The following CDH9 variants were observed in gnomAD, a reference collection of about 807,000 sequenced individuals.
CDH9 encodes the protein cadherin-9.
CDH9 carries 28 observed loss-of-function variants against 70.9 expected under a neutral mutation model. That is an observed-to-expected ratio of 0.40 (90% CI 0.29 to 0.54). The LOEUF (loss-of-function observed/expected upper bound fraction) is 0.54. Ranked by LOEUF, CDH9 falls within the 20% of genes least tolerant of loss-of-function variation. The pLI, the probability that CDH9 is intolerant of heterozygous loss-of-function variation, is 0.59. For missense variants in CDH9, 874 were observed against 984.4 expected (o/e 0.89, Z 1.50); for synonymous variants, 409 against 343.1 (o/e 1.19, Z -2.12).
intron 2 of CDH9, among the ~76,000 whole-genome samples, chr5:26,916,633 C>G (rs1741154368): frequency 1.3e-5 from 2 of 151,894 alleles, no homozygotes; most frequent in Non-Finnish European, 2.9e-5. Flanking sequence ...CTCTCTCTCT[C>G]AAAATATCTT....
intron 3 of CDH9, among the ~76,000 whole-genome samples, chr5:26,908,800 A>G (rs1245094510): frequency 2.0e-5 from 3 of 152,200 alleles, no homozygotes; most frequent in African/African-American, 7.2e-5. Context: ...GGTAATAATT[A>G]AGAATGCTTT....
intron 2 of CDH9, among the ~76,000 whole-genome samples, chr5:26,923,474 C>T (rs1741282537): frequency 6.6e-6 from 1 of 151,872 alleles, no homozygotes; most frequent in Admixed American, 6.6e-5. Context: ...ACAATAATAG[C>T]TAGAGACTTC....
intron 2 of CDH9, among the ~76,000 whole-genome samples, chr5:26,942,745 T>C (rs1048526016): frequency 6.6e-6 from 1 of 152,184 alleles, no homozygotes; most frequent in African/African-American, 2.4e-5. Context: ...TTATGTCTGG[T>C]TTAACCAGTT....
intron 2 of CDH9, among the ~76,000 whole-genome samples, chr5:26,921,672 G>A (rs1741245887): frequency 1.3e-5 from 2 of 152,126 alleles, no homozygotes; most frequent in Admixed American, 1.3e-4. Flanking sequence ...ATCTTTGAGT[G>A]TACTGTCTCT....
chr5:26,958,257 C>A (rs193187472), intron 2 of CDH9, among the ~76,000 whole-genome samples: 73 of 152,286 alleles, frequency 4.8e-4, no homozygotes, highest in Non-Finnish European at 8.7e-4. Flanking sequence ...CTTCTGTACA[C>A]GGCACCTTTG....
At chr5:26,889,172 A>G (rs2111971545) in intron 9 of CDH9, among the ~76,000 whole-genome samples, 1 of 152,266 alleles carries the variant, frequency 6.6e-6, no homozygotes, top group African/African-American at 2.4e-5. Context: ...AGTTAATTAC[A>G]TGGTTAAATT....
intron 2 of CDH9, among the ~76,000 whole-genome samples, chr5:26,961,482 C>T (rs1742034183): frequency 6.6e-6 from 1 of 151,948 alleles, no homozygotes; most frequent in Non-Finnish European, 1.5e-5. Context: ...TATAATCTGA[C>T]CTCTTAAAAT....
intron 2 of CDH9, among the ~76,000 whole-genome samples, chr5:26,961,044 T>A (rs1742026650): frequency 6.6e-6 from 1 of 150,902 alleles, no homozygotes; most frequent in African/African-American, 2.4e-5. Flanking sequence ...TTGCTCCTTG[T>A]CCTCCTTCTC....
chr5:26,882,584 T>C (rs1740485228), intron 11 of CDH9, among the ~76,000 whole-genome samples: 2 of 152,020 alleles, frequency 1.3e-5, no homozygotes, highest in Non-Finnish European at 2.9e-5. Context: ...TTTAAAAATA[T>C]AAATTTTCCA....
intron 11 of CDH9, among the ~76,000 whole-genome samples, chr5:26,883,663 C>T (rs916897501): frequency 3.3e-5 from 5 of 152,068 alleles, no homozygotes; most frequent in South Asian, 2.1e-4. Context: ...TAAGCAAGCA[C>T]GGTTTTCTTT....
chr5:27,017,733 A>G (rs752554855), intron 1 of CDH9, among the ~76,000 whole-genome samples: 2 of 152,174 alleles, frequency 1.3e-5, no homozygotes, highest in Middle Eastern at 3.4e-3. Flanking sequence ...TTTTGTTTAG[A>G]AAGTTGCCAT....
At chr5:26,950,072 G>T (rs1199803333) in intron 2 of CDH9, among the ~76,000 whole-genome samples, 9 of 152,164 alleles carry the variant, frequency 5.9e-5, no homozygotes, top group Middle Eastern at 3.4e-3. Flanking sequence ...TTTTCTAATG[G>T]TTTGGATATC....
At chr5:26,954,317 T>C (rs891384526) in intron 2 of CDH9, among the ~76,000 whole-genome samples, 1 of 151,924 alleles carries the variant, frequency 6.6e-6, no homozygotes, top group Non-Finnish European at 1.5e-5. Flanking sequence ...CATTTGTGAT[T>C]GTCAATTTTA....
chr5:26,896,423 ATATT>A (rs977616438), intron 7 of CDH9, among the ~76,000 whole-genome samples: 6 of 151,476 alleles, frequency 4.0e-5, no homozygotes, highest in African/African-American at 1.2e-4. Flanking sequence ...TCTAATCTAA[ATATT>A]TATTTATGAT....
rs751570844 is a variant in CDH9 at position 26,881,319 on chromosome 5, T to C, written c.2187A>G (p.Ala729=). The stretch of plus-strand genomic sequence containing the variant: ...ACGTTGCCAGCGAATCATATGGAGG[T>C]GCACTTGGGTCTGCGTCGTTTTCTT... The part of the protein sequence containing the change: ...RLKENDADPS[A]PPYDSLATYA... The change falls in exon 12 of 12, where the codon GCA becomes GCG. Residue 729 remains alanine, a synonymous_variant. Coordinates refer to ENST00000231021, the MANE Select transcript of CDH9 (RefSeq NM_016279.4). 3 of 1,613,014 alleles carry C rather than the reference T, an allele frequency of 1.9e-6. No homozygotes were observed. The Admixed American group carries it at 5.0e-5, about 27-fold the overall frequency.
chr5:26,926,011 A>T (rs1741329769), intron 2 of CDH9, among the ~76,000 whole-genome samples: 1 of 152,206 alleles, frequency 6.6e-6, no homozygotes. Flanking sequence ...AACTGGAAGC[A>T]TTCCCTTTGA....
chr5:26,915,780 T>C lies in CDH9; in HGVS notation c.373A>G (p.Ile125Val), dbSNP rs761464441. 2 of 1,613,692 alleles carry C rather than the reference T, an allele frequency of 1.2e-6. No homozygotes were observed. The highest frequency in any genetic ancestry group is 2.2e-5 in the South Asian group (2 of 91,076). ...KLDREEKSLY[I>V]LRAKAIDRKT... Reference sequence around the variant, plus strand: ...CTGTCTATAGCCTTGGCACGAAGAATGTACAGAGATTTTTCTTCTCTGTCT... The same window carrying C: ...CTGTCTATAGCCTTGGCACGAAGAACGTACAGAGATTTTTCTTCTCTGTCT... The change falls in exon 3 of 12, where the codon ATT becomes GTT. Residue 125 changes from isoleucine to valine, a missense_variant. Ile to Val is a conservative substitution (Grantham distance 29). Coordinates refer to ENST00000231021, the MANE Select transcript of CDH9 (RefSeq NM_016279.4).
chr5:26,954,154 T>A (rs1465576039), intron 2 of CDH9, among the ~76,000 whole-genome samples: 1 of 152,110 alleles, frequency 6.6e-6, no homozygotes. Context: ...TGGTACAACT[T>A]CTTTAATTCA....
intron 1 of CDH9, among the ~76,000 whole-genome samples, chr5:26,996,716 T>C (rs995491223): frequency 2.0e-5 from 3 of 151,650 alleles, no homozygotes; most frequent in African/African-American, 7.3e-5. Context: ...ACTAGTTTGT[T>C]AAGCTTAACA....
Sources: gnomAD v4.1 joint callset for allele counts (sites outside exome capture counted in the v4.1 genomes callset) on GRCh38, gnomAD v4.1.1 for gene constraint, MANE v1.5 for transcripts, NCBI Gene and HGNC (gene_info 2026-07-23, HGNC 2026-07-21) for gene names.